The following GAREM1 variants were observed in gnomAD, a reference collection of about 807,000 sequenced individuals.
GAREM1 encodes the protein GRB2-associated and regulator of MAPK protein 1.
In GAREM1, 26 loss-of-function variants were observed where a neutral mutation model predicts 71.3. The ratio of observed to expected loss-of-function variants is 0.36; its 90% CI spans 0.27 to 0.51. The LOEUF (loss-of-function observed/expected upper bound fraction) is 0.51. Ranked by LOEUF, GAREM1 falls within the 20% of genes least tolerant of loss-of-function variation. The pLI is 0.95. For synonymous variants in GAREM1, 440 were observed against 433.2 expected, an observed-to-expected ratio of 1.02 and a Z score of -0.20; for missense variants, 1,026 against 1,103.1, an observed-to-expected ratio of 0.93 and a Z score of 0.99.
chr18:32,361,609 C>T (rs1374466370), intron 2 of GAREM1, among the ~76,000 whole-genome samples: 1 of 151,818 alleles, frequency 6.6e-6, no homozygotes, highest in Non-Finnish European at 1.5e-5. Flanking sequence ...ACATTCCTCC[C>T]TCTGCAAAAC....
chr18:32,469,892 G>T (rs1161864433), intron 1 of GAREM1, among the ~76,000 whole-genome samples: 1 of 152,136 alleles, frequency 6.6e-6, no homozygotes, highest in Non-Finnish European at 1.5e-5. Flanking sequence ...GGGGATGGGG[G>T]AGATAGGGAG....
At chr18:32,407,925 C>CA (rs1054726720) in intron 1 of GAREM1, among the ~76,000 whole-genome samples, 1 of 151,592 alleles carries the variant, frequency 6.6e-6, no homozygotes, top group Admixed American at 6.6e-5. Context: ...CTGCATGACT[C>CA]AATCAAAATA....
chr18:32,303,542 G>C (rs2047220052), intron 3 of GAREM1, among the ~76,000 whole-genome samples: 1 of 152,118 alleles, frequency 6.6e-6, no homozygotes, highest in Non-Finnish European at 1.5e-5. Context: ...TTGAAGTGAA[G>C]GGGTATTTCG....
At chr18:32,308,284 T>C (rs1205349848) in intron 3 of GAREM1, among the ~76,000 whole-genome samples, 1 of 135,034 alleles carries the variant, frequency 7.4e-6, no homozygotes, top group Non-Finnish European at 1.6e-5. Context: ...AACTCTAAAA[T>C]GTATAAATTT....
At chr18:32,363,201 C>T (rs1287686554) in intron 2 of GAREM1, among the ~76,000 whole-genome samples, 1 of 149,010 alleles carries the variant, frequency 6.7e-6, no homozygotes, top group African/African-American at 2.5e-5. Context: ...AAATATTTTT[C>T]TGTCTCAAGG....
chr18:32,271,652 G>A lies in GAREM1; in HGVS notation c.1567-1269C>T, dbSNP rs146597590. Among the ~76,000 whole-genome samples, 1,417 of 152,320 alleles carry A rather than the reference G, an allele frequency of 9.3e-3. 13 individuals carry two copies. Among genetic ancestry groups the A allele is most frequent in the Middle Eastern group, 0.027 (8 of 294 alleles). On this transcript the variant is annotated intron_variant, in intron 4 of 5. Transcript: ENST00000269209. ...TGGTCCACACACTGACAAGGCTGCA[G>A]AAGGAGTAATGAAGCGGCTCTCTAC...
At chr18:32,396,838 C>G (rs1427119428) in intron 1 of GAREM1, among the ~76,000 whole-genome samples, 4 of 152,018 alleles carry the variant, frequency 2.6e-5, no homozygotes, top group African/African-American at 9.7e-5. Flanking sequence ...AAGAGCAACT[C>G]CAAGACACAT....
chr18:32,336,417 G>A (rs1483836252), intron 2 of GAREM1, among the ~76,000 whole-genome samples: 7 of 139,266 alleles, frequency 5.0e-5, no homozygotes, highest in South Asian at 2.3e-4. Flanking sequence ...GCAACAGAGC[G>A]AGACTCCGTC....
chr18:32,396,971 T>C (rs1271426553), intron 1 of GAREM1, among the ~76,000 whole-genome samples: 4 of 152,156 alleles, frequency 2.6e-5, no homozygotes, highest in East Asian at 3.8e-4. Flanking sequence ...GCAGAAACTC[T>C]ACAAGCCAGA....
chr18:32,376,489 C>T (rs1295094512), intron 2 of GAREM1, among the ~76,000 whole-genome samples: 2 of 152,172 alleles, frequency 1.3e-5, no homozygotes, highest in African/African-American at 4.8e-5. Context: ...ATATTTTTCT[C>T]TTCCTTTCCA....
chr18:32,319,225 C>T (rs1391292944), intron 2 of GAREM1, among the ~76,000 whole-genome samples: 1 of 152,148 alleles, frequency 6.6e-6, no homozygotes, highest in Non-Finnish European at 1.5e-5. Context: ...GGCCCATATC[C>T]AAATGTGAAG....
chr18:32,450,123 C>T (rs1355650386), intron 1 of GAREM1, among the ~76,000 whole-genome samples: 1 of 152,180 alleles, frequency 6.6e-6, no homozygotes, highest in African/African-American at 2.4e-5. Flanking sequence ...GTCTGTGGCA[C>T]AACCAGTCAG....
At chr18:32,389,181 T>C (rs1351865508) in intron 2 of GAREM1, among the ~76,000 whole-genome samples, 1 of 151,968 alleles carries the variant, frequency 6.6e-6, no homozygotes, top group Non-Finnish European at 1.5e-5. Context: ...AAAATAAAAT[T>C]ACAAAAGCAA....
intron 2 of GAREM1, among the ~76,000 whole-genome samples, chr18:32,322,966 G>T (rs2047444006): frequency 6.6e-6 from 1 of 152,202 alleles, no homozygotes; most frequent in Admixed American, 6.5e-5. Flanking sequence ...TCTTTGAAGA[G>T]TAGGTGTTTA....
At chr18:32,448,126 C>T (rs1004912782) in intron 1 of GAREM1, among the ~76,000 whole-genome samples, 1 of 152,080 alleles carries the variant, frequency 6.6e-6, no homozygotes, top group Non-Finnish European at 1.5e-5. Context: ...AAAGAGACAC[C>T]TATCATTTAT....
In GAREM1 at chr18:32,287,492, G is replaced by A; in HGVS notation, c.1105C>T (p.Pro369Ser). 1.9e-6 allele frequency: 3 copies of A among 1,614,196 alleles called. No individual in the cohort carries two copies. Among genetic ancestry groups the A allele is most frequent in the Non-Finnish European group, 2.5e-6 (3 of 1,180,020 alleles). Residue 369 changes from proline (P) to serine (S), a missense_variant, in exon 4 of 6, where the codon CCC becomes TCC. This residue lies in a region of GAREM1 where 636 missense variants were observed against 631.2 expected (regional missense o/e 1.01). Coordinates refer to ENST00000269209, the MANE Select transcript of GAREM1 (RefSeq NM_001242409.2). The surrounding 1 kb of genome is among the most constrained non-coding windows in gnomAD (Gnocchi z 5.9). Reference sequence around the variant, plus strand: ...TCGCGGGCGTAGCTGAGCGAATTGGGCACGTGGTTGTGGCCAGAGCACCGA... The same window carrying A: ...TCGCGGGCGTAGCTGAGCGAATTGGACACGTGGTTGTGGCCAGAGCACCGA... Reference protein sequence around the residue: ...KGRCSGHNHVPNSLSYARDEL... With the variant: ...KGRCSGHNHVSNSLSYARDEL...
At chr18:32,269,735 C>A (rs2041430011) in intron 5 of GAREM1, among the ~76,000 whole-genome samples, 2 of 152,054 alleles carry the variant, frequency 1.3e-5, no homozygotes, top group Admixed American at 1.3e-4. Context: ...TCTCAGAGCA[C>A]TGGAAGTATC....
chr18:32,470,169 C>T lies in GAREM1; in HGVS notation c.121+139G>A. The T allele has an allele frequency of 9.0e-7, 1 of 1,110,056 alleles. No homozygotes were observed. The highest frequency in any genetic ancestry group is 1.2e-6 in the Non-Finnish European group (1 of 861,908). 68.8% of individuals were successfully genotyped at this position (1,110,056 alleles called of 1,614,324 possible). On this transcript the variant is annotated intron_variant, in intron 1 of 5. Transcript: ENST00000269209. The surrounding 1 kb of genome is among the most constrained non-coding windows in gnomAD (Gnocchi z 4.4). ...TGAGAGCAACGCGCCAGGGCTGCGGCAGCCGCTCGGGCCAACTCCGGCGCT... is the reference window on the plus strand; with the variant it reads ...TGAGAGCAACGCGCCAGGGCTGCGGTAGCCGCTCGGGCCAACTCCGGCGCT...
At chr18:32,411,615 A>G (rs1356319928) in intron 1 of GAREM1, among the ~76,000 whole-genome samples, 6 of 152,140 alleles carry the variant, frequency 3.9e-5, no homozygotes, top group African/African-American at 1.4e-4. Flanking sequence ...GATATATTGC[A>G]TAGGATGTGC....
Sources: allele counts gnomAD v4.1 joint callset (sites outside exome capture counted in the v4.1 genomes callset), GRCh38; gene constraint gnomAD v4.1.1; regional missense constraint gnomAD v4.1.1; non-coding constraint Gnocchi (gnomAD v3.1); transcripts MANE v1.5; gene names NCBI Gene and HGNC (gene_info 2026-07-23, HGNC 2026-07-21).